The following DPYSL3 variants were observed in gnomAD, a reference collection of about 807,000 sequenced individuals.
The protein encoded by DPYSL3 is dihydropyrimidinase like 3, also known as dihydropyrimidinase-related protein 3.
In DPYSL3, 16 loss-of-function variants were observed where a neutral mutation model predicts 66.1. The observed-to-expected ratio is 0.24, with a 90% CI of 0.16 to 0.37. DPYSL3 has a LOEUF of 0.37. DPYSL3 is among the 10% of genes least tolerant of loss of function. The probability of loss-of-function intolerance (pLI) is 1.00; values close to 1 mark genes in which losing one functional copy is unlikely to be tolerated. For missense variants in DPYSL3, 738 were observed against 916.2 expected (o/e 0.81, Z 2.51); for synonymous variants, 338 against 345.1 (o/e 0.98, Z 0.23).
At position 147,433,386 on chromosome 5, in the gene DPYSL3, G is replaced by A. The variant is rs571103963; in HGVS notation, c.382-8423C>T. On this transcript the variant is annotated intron_variant, in intron 1 of 13. Transcript: ENST00000343218. ...TATCAGAAAACAGGAAACCAGATAT[G>A]GGTAAGTGAAGACATATGGCAAATC... Among the ~76,000 whole-genome samples, 41 of 152,234 alleles carry A rather than the reference G, an allele frequency of 2.7e-4. No homozygotes were observed. In the South Asian group the frequency reaches 7.1e-3, roughly 26 times the overall value.
rs560712704 is a variant in DPYSL3 at position 147,401,397 on chromosome 5, G to A, written c.1310+143C>T. 29 of 940,940 alleles carry A rather than the reference G, an allele frequency of 3.1e-5. No individual in the cohort carries two copies. In the East Asian group the frequency reaches 8.0e-4, roughly 26 times the overall value. 58.3% of individuals were successfully genotyped at this position (940,940 alleles called of 1,614,324 possible). A position where few individuals can be genotyped will look rare whatever the true frequency, so the allele number is the denominator to read the frequency against. On this transcript the variant is annotated intron_variant, in intron 9 of 13. Transcript: ENST00000343218. Reference sequence around the variant, plus strand: ...GGAAGAGCCTGCTTTCTACGCTCAAGACTGTAAAAGAATTCCCAATACACT... The same window carrying A: ...GGAAGAGCCTGCTTTCTACGCTCAAAACTGTAAAAGAATTCCCAATACACT...
chr5:147,399,483 G>A (rs1028716099), intron 10 of DPYSL3, among the ~76,000 whole-genome samples: 44 of 90,984 alleles, frequency 4.8e-4, no homozygotes, highest in African/African-American at 1.3e-3. Context: ...TACTGCCCCT[G>A]AAGTATGCAT....
chr5:147,465,102 G>A (rs1164090798), intron 1 of DPYSL3, among the ~76,000 whole-genome samples: 2 of 152,196 alleles, frequency 1.3e-5, no homozygotes, highest in Admixed American at 1.3e-4. Flanking sequence ...GCTAAAATAG[G>A]AGGATTAGTT....
chr5:147,457,487 G>A (rs1752871006), intron 1 of DPYSL3, among the ~76,000 whole-genome samples: 1 of 152,206 alleles, frequency 6.6e-6, no homozygotes, highest in Non-Finnish European at 1.5e-5. Flanking sequence ...TAAAGGGCAT[G>A]TAGTTAGAAT....
At chr5:147,416,117 C>T (rs532215199) in intron 3 of DPYSL3, among the ~76,000 whole-genome samples, 15 of 152,180 alleles carry the variant, frequency 9.9e-5, no homozygotes, top group African/African-American at 2.6e-4. Flanking sequence ...TAAGTTGGTG[C>T]CAAGTGGGGT....
chr5:147,401,571 T>C lies in DPYSL3; in HGVS notation c.1279A>G (p.Thr427Ala), dbSNP rs1482414232. The change falls in exon 9 of 14, where the codon ACT (threonine) becomes GCT (alanine). Residue 427 changes from threonine to alanine, a missense_variant. Thr to Ala is a moderately conservative substitution (Grantham distance 58). Transcript: ENST00000343218. ...TSPPLSPDPT[T>A]PDYINSLLAS... The stretch of plus-strand genomic sequence containing the variant: ...AGCAAGGAGTTGATGTAGTCCGGAG[T>C]AGTTGGGTCAGGGCTCAGGGGTGGG... 1 of 1,613,148 alleles carries C rather than the reference T, an allele frequency of 6.2e-7. No individual in the cohort carries two copies. Among genetic ancestry groups the C allele is most frequent in the South Asian group, 1.1e-5 (1 of 90,822 alleles).
chr5:147,475,973 T>C (rs913550075), intron 1 of DPYSL3, among the ~76,000 whole-genome samples: 2 of 152,140 alleles, frequency 1.3e-5, no homozygotes, highest in Non-Finnish European at 2.9e-5. Context: ...TTATTAAATA[T>C]CTTACTTGTA....
intron 1 of DPYSL3, among the ~76,000 whole-genome samples, chr5:147,504,215 G>C (rs1173784186): frequency 2.6e-5 from 4 of 152,220 alleles, no homozygotes; most frequent in Non-Finnish European, 5.9e-5. Flanking sequence ...CAGTGTTCTG[G>C]CTGCCTTAAA....
At chr5:147,477,872 G>C (rs367948077) in intron 1 of DPYSL3, among the ~76,000 whole-genome samples, 2 of 152,024 alleles carry the variant, frequency 1.3e-5, no homozygotes, top group South Asian at 2.1e-4. Context: ...GTGAGCCACC[G>C]CGCCCGGCCC....
chr5:147,475,554 C>G (rs910486736), intron 1 of DPYSL3, among the ~76,000 whole-genome samples: 2 of 151,842 alleles, frequency 1.3e-5, no homozygotes, highest in Non-Finnish European at 2.9e-5. Context: ...GATTAAAATC[C>G]TAAAACAAAT....
intron 1 of DPYSL3, among the ~76,000 whole-genome samples, chr5:147,477,784 T>G (rs1026804956): frequency 6.6e-6 from 1 of 150,972 alleles, no homozygotes; most frequent in African/African-American, 2.4e-5. Context: ...GGGTTTCACC[T>G]TGTTAGCCAG....
intron 1 of DPYSL3, chr5:147,453,751 G>A (rs1752791850): frequency 1.5e-6 from 2 of 1,316,436 alleles, no homozygotes; most frequent in African/African-American, 1.6e-5. Context: ...GGCTCCCGCG[G>A]CGGCTGCCAG....
At chr5:147,428,490 C>T (rs1433082408) in intron 1 of DPYSL3, among the ~76,000 whole-genome samples, 1 of 151,950 alleles carries the variant, frequency 6.6e-6, no homozygotes, top group African/African-American at 2.4e-5. Context: ...GGAATGTGAG[C>T]GTGGGGTATG....
rs372489046 is a variant in DPYSL3, at chr5:147,418,645, C to T, written c.471-14G>A. 5 of 1,553,228 alleles carry T rather than the reference C, an allele frequency of 3.2e-6. No homozygotes were observed. The East Asian group carries it at 9.2e-5, about 28-fold the overall frequency. On this transcript the variant is annotated splice_polypyrimidine_tract_variant and intron_variant, in intron 2 of 13. Coordinates refer to ENST00000343218, the MANE Select transcript of DPYSL3 (RefSeq NM_001197294.2). Reference sequence around the variant, plus strand: ...TCTCCAATTTGTCTGGTGAAACAAACAAACAAAAAAATGATCAAACACTTG... The same window carrying T: ...TCTCCAATTTGTCTGGTGAAACAAATAAACAAAAAAATGATCAAACACTTG...
intron 1 of DPYSL3, among the ~76,000 whole-genome samples, chr5:147,508,044 T>C (rs1455104371): frequency 1.3e-5 from 2 of 152,214 alleles, no homozygotes; most frequent in Non-Finnish European, 2.9e-5. Flanking sequence ...TCTTCTTCAG[T>C]TTAGATATCA....
intron 1 of DPYSL3, among the ~76,000 whole-genome samples, chr5:147,458,475 G>A (rs1752885323): frequency 6.6e-6 from 1 of 152,142 alleles, no homozygotes; most frequent in Admixed American, 6.5e-5. Flanking sequence ...GCAGATCCTC[G>A]GGGCTGCTCT....
At chr5:147,508,216 A>G (rs1321561141) in intron 1 of DPYSL3, among the ~76,000 whole-genome samples, 1 of 152,200 alleles carries the variant, frequency 6.6e-6, no homozygotes, top group African/African-American at 2.4e-5. Flanking sequence ...GAACAGCACT[A>G]ACTTCAGCAC....
Position 147,392,892 on chromosome 5 carries a change from A to AGTGG in DPYSL3, c.*1142_*1143insCCAC, listed in dbSNP as rs1757854610. 2 of 152,228 alleles carry AGTGG rather than the reference A, an allele frequency of 1.3e-5. No homozygotes were observed. Among genetic ancestry groups the AGTGG allele is most frequent in the Admixed American group, 6.5e-5 (1 of 15,286 alleles). The allele number at this position is 152,228 out of a possible 1,614,324, so 9.4% of individuals were successfully genotyped here. A position where few individuals can be genotyped will look rare whatever the true frequency, so the allele number is the denominator to read the frequency against. On this transcript the variant is annotated 3_prime_UTR_variant, in exon 14 of 14. Coordinates refer to ENST00000343218, the MANE Select transcript of DPYSL3 (RefSeq NM_001197294.2). The stretch of plus-strand genomic sequence containing the variant: ...CTGACTTTGGCTTTCCCAGTTCCCC[A>AGTGG]CTTGACTTTCATATAAGCTGAGATG...
intron 12 of DPYSL3, among the ~76,000 whole-genome samples, chr5:147,396,919 AATAAAT>A (rs1430272804): frequency 2.0e-5 from 3 of 146,992 alleles, no homozygotes; most frequent in Non-Finnish European, 4.5e-5. Context: ...CAATAAATAC[AATAAAT>A]ATAAATATGT....
Sources: allele counts gnomAD v4.1 joint callset (sites outside exome capture counted in the v4.1 genomes callset), GRCh38; gene constraint gnomAD v4.1.1; transcripts MANE v1.5; gene names NCBI Gene and HGNC (gene_info 2026-07-23, HGNC 2026-07-21).